The following COG6 variants were observed in gnomAD, a reference collection of about 807,000 sequenced individuals.
The protein encoded by COG6 is component of oligomeric golgi complex 6.
A neutral mutation model predicts 88.8 loss-of-function variants in COG6; 74 were observed. That is an observed-to-expected ratio of 0.83 (90% CI 0.69 to 1.01). COG6 has a LOEUF of 1.01. Ranked by LOEUF, COG6 falls within the 50% of genes least tolerant of loss-of-function variation. COG6 has a pLI of 0.00. For missense variants in COG6, 800 were observed against 797.9 expected, an observed-to-expected ratio of 1.00 and a Z score of -0.03; for synonymous variants, 286 against 278.7, an observed-to-expected ratio of 1.03 and a Z score of -0.26.
At chr13:39,712,899 T>C (rs1419423686) in intron 13 of COG6, among the ~76,000 whole-genome samples, 1 of 152,212 alleles carries the variant, frequency 6.6e-6, no homozygotes, top group African/African-American at 2.4e-5. Flanking sequence ...GTTACAACTC[T>C]AGTTAAGATT....
In COG6 at chr13:39,752,084, T is replaced by C; in HGVS notation, c.*991T>C. The C allele has an allele frequency of 2.3e-6, 3 of 1,285,422 alleles. No homozygotes were observed. The highest frequency in any genetic ancestry group is 1.0e-6 in the Non-Finnish European group (1 of 987,470). 79.6% of individuals were successfully genotyped at this position (1,285,422 alleles called of 1,614,324 possible). On this transcript the variant is annotated 3_prime_UTR_variant, in exon 19 of 19. Transcript: ENST00000455146. ...TTTAGACCATTACCTATTAGGAAGA[T>C]TAAAAATGACTGTATTTTTAAAGGA...
At chr13:39,674,880 C>G (rs1365621793) in intron 4 of COG6, among the ~76,000 whole-genome samples, 1 of 152,038 alleles carries the variant, frequency 6.6e-6, no homozygotes, top group African/African-American at 2.4e-5. Flanking sequence ...TCAGCAGTTT[C>G]AGGCATCCAC....
intron 1 of COG6, 111 bp downstream of exon 1, chr13:39,655,990 G>A: frequency 7.7e-7 from 1 of 1,306,228 alleles, no homozygotes; most frequent in Admixed American, 2.0e-5. Context: ...GCAGCAGAGG[G>A]ACCGCGAGTG....
At chr13:39,754,689 C>T (rs1275045508), downstream of COG6, among the ~76,000 whole-genome samples, 1 of 152,034 alleles carries the variant, frequency 6.6e-6, no homozygotes, top group Non-Finnish European at 1.5e-5. Flanking sequence ...TATCATTAAA[C>T]ACATTTCTTA....
intron 17 of COG6, among the ~76,000 whole-genome samples, chr13:39,725,611 A>G (rs1366405350): frequency 6.6e-6 from 1 of 151,912 alleles, no homozygotes; most frequent in Non-Finnish European, 1.5e-5. Context: ...GTAGAATTTA[A>G]AAAGACTAAA....
At chr13:39,759,837 T>C (rs1200686561) in intron 18 of COG6, among the ~76,000 whole-genome samples, 2 of 152,146 alleles carry the variant, frequency 1.3e-5, no homozygotes, top group Admixed American at 1.3e-4. Flanking sequence ...AAATAAATGG[T>C]ACTAAGCTTA....
At chr13:39,716,023 T>C (rs1016841176) in intron 13 of COG6, among the ~76,000 whole-genome samples, 2 of 151,956 alleles carry the variant, frequency 1.3e-5, no homozygotes, top group Non-Finnish European at 2.9e-5. Context: ...TTCTGGAGGT[T>C]TTTTTTAAGT....
In COG6 at chr13:39,751,909, A is replaced by G. The variant is rs1213465228; in HGVS notation, c.*816A>G. The G allele has an allele frequency of 2.0e-5, 25 of 1,256,974 alleles. No homozygotes were observed. Among genetic ancestry groups the G allele is most frequent in the Middle Eastern group, 3.3e-4 (1 of 3,016 alleles). The allele number at this position is 1,256,974 out of a possible 1,614,324, so 77.9% of individuals were successfully genotyped here. ...TAAAGATGGGTATTTGTCATACAAT[A>G]TGGGTCCTAAATCCAACCAACTACA... On this transcript the variant is annotated 3_prime_UTR_variant, in exon 19 of 19. Transcript: ENST00000455146.
intron 18 of COG6, among the ~76,000 whole-genome samples, chr13:39,765,528 G>C (rs986394848): frequency 6.6e-6 from 1 of 152,124 alleles, no homozygotes; most frequent in African/African-American, 2.4e-5. Context: ...CCCAAAATGT[G>C]TTATGGTACT....
chr13:39,712,430 T>C (rs1009324439), intron 13 of COG6, among the ~76,000 whole-genome samples: 1 of 152,158 alleles, frequency 6.6e-6, no homozygotes, highest in African/African-American at 2.4e-5. Flanking sequence ...TTCAAAACAA[T>C]TGATTAAATA....
intron 5 of COG6, 157 bp from the exon 6 acceptor site, chr13:39,679,381 A>G: frequency 3.1e-6 from 2 of 644,458 alleles, no homozygotes; most frequent in South Asian, 1.9e-5. Flanking sequence ...TACCAGTTAC[A>G]CCGTCTATGA....
chr13:39,736,299 T>C (rs975310970), intron 18 of COG6, among the ~76,000 whole-genome samples: 3 of 152,202 alleles, frequency 2.0e-5, no homozygotes, highest in Non-Finnish European at 1.5e-5. Flanking sequence ...TAAGAGACTC[T>C]GATGCATTCT....
chr13:39,709,805 G>GGTT (rs1470974865), intron 13 of COG6, among the ~76,000 whole-genome samples: 1 of 152,096 alleles, frequency 6.6e-6, no homozygotes, highest in African/African-American at 2.4e-5. Context: ...TGGGCACTTA[G>GGTT]GTTGATTCCG....
intron 18 of COG6, among the ~76,000 whole-genome samples, chr13:39,785,177 T>A (rs1167277327): frequency 6.6e-6 from 1 of 152,106 alleles, no homozygotes; most frequent in East Asian, 1.9e-4. Flanking sequence ...TCAAAAGAGG[T>A]GCATCTGAGT....
chr13:39,766,148 C>T (rs997891619), intron 18 of COG6, among the ~76,000 whole-genome samples: 1 of 152,190 alleles, frequency 6.6e-6, no homozygotes, highest in African/African-American at 2.4e-5. Flanking sequence ...CCTCCATCTG[C>T]CTGTCAGTTG....
chr13:39,788,660 A>C (rs1404261497), exon 19 of COG6: 2 of 371,996 alleles, frequency 5.4e-6, no homozygotes, highest in African/African-American at 4.0e-5. Flanking sequence ...TGTCTGTCTA[A>C]GTGTAAACAC....
intron 13 of COG6, among the ~76,000 whole-genome samples, chr13:39,718,412 C>T (rs1265845282): frequency 1.3e-5 from 2 of 152,050 alleles, no homozygotes; most frequent in Admixed American, 1.3e-4. Flanking sequence ...ACTTTATTAA[C>T]ATTGTAAGTA....
rs1347273769 is a variant in COG6 at position 39,684,554 on chromosome 13, T to A, written c.788+2290T>A. Among the ~76,000 whole-genome samples the A allele has an allele frequency of 2.0e-5, 3 of 152,034 alleles. No homozygotes were observed. In the East Asian group the frequency reaches 5.8e-4, roughly 29 times the overall value. ...CGTGAGCCACCGCGCCTGGCCAATT[T>A]GGAAGATTTTAAGACACATTTAGAA... On this transcript the variant is annotated intron_variant, in intron 8 of 18. Transcript: ENST00000455146.
At chr13:39,705,484 T>C (rs79781595) in intron 13 of COG6, among the ~76,000 whole-genome samples, 3,754 of 152,178 alleles carry the variant, frequency 0.025, 72 homozygotes, top group Non-Finnish European at 0.035. Flanking sequence ...TATGCATCTA[T>C]ACTGCAAAAG....
Sources: gnomAD v4.1 joint callset for allele counts (sites outside exome capture counted in the v4.1 genomes callset) on GRCh38, gnomAD v4.1.1 for gene constraint, MANE v1.5 for transcripts, NCBI Gene and HGNC (gene_info 2026-07-23, HGNC 2026-07-21) for gene names.